Variants in CNTN5 observed in about 807,000 individuals in gnomAD.
The protein encoded by CNTN5 is contactin-5.
CNTN5 carries 77 observed loss-of-function variants against 129.1 expected under a neutral mutation model. The ratio of observed to expected loss-of-function variants is 0.60; its 90% CI spans 0.50 to 0.72. The LOEUF is 0.72. Ranked by LOEUF, CNTN5 falls within the 30% of genes least tolerant of loss-of-function variation. The pLI is 0.00. For synonymous variants in CNTN5, 509 were observed against 465.6 expected, an observed-to-expected ratio of 1.09 and a Z score of -1.20; for missense variants, 1,478 against 1,328.8, an observed-to-expected ratio of 1.11 and a Z score of -1.75.
chr11:99,692,223 G>A (rs1314745026), intron 3 of CNTN5, among the ~76,000 whole-genome samples: 7 of 152,034 alleles, frequency 4.6e-5, no homozygotes, highest in Non-Finnish European at 8.8e-5. Flanking sequence ...TTTAATTGGG[G>A]CATTTAGCCC....
chr11:99,616,105 G>T (rs1295363429), intron 3 of CNTN5, among the ~76,000 whole-genome samples: 6 of 151,940 alleles, frequency 3.9e-5, no homozygotes, highest in Non-Finnish European at 7.4e-5. Context: ...TTTTAGTTCT[G>T]TGCAACTTTA....
intron 24 of CNTN5, among the ~76,000 whole-genome samples, chr11:100,355,146 TA>T (rs1044529444): frequency 1.3e-4 from 20 of 151,774 alleles, no homozygotes; most frequent in African/African-American, 4.1e-4. Context: ...TAATACAGAT[TA>T]AAAAAACATT....
chr11:99,760,171 G>A (rs1223232586), intron 3 of CNTN5, among the ~76,000 whole-genome samples: 1 of 152,138 alleles, frequency 6.6e-6, no homozygotes, highest in African/African-American at 2.4e-5. Flanking sequence ...TAAATAAGCA[G>A]GTGGTGTGAA....
intron 21 of CNTN5, among the ~76,000 whole-genome samples, chr11:100,324,297 TG>T (rs1951750176): frequency 6.6e-6 from 1 of 152,144 alleles, no homozygotes; most frequent in African/African-American, 2.4e-5. Context: ...CATTGATTAG[TG>T]AATGGCTATA....
At chr11:100,193,690 A>G (rs1202734509) in intron 15 of CNTN5, 27 bp downstream of exon 15, 2 of 1,589,336 alleles carry the variant, frequency 1.3e-6, no homozygotes, top group Non-Finnish European at 8.6e-7. Context: ...TTATTCTTTT[A>G]GTAATGATAA....
chr11:100,214,511 A>T (rs1482427911), intron 15 of CNTN5, among the ~76,000 whole-genome samples: 1 of 152,212 alleles, frequency 6.6e-6, no homozygotes, highest in African/African-American at 2.4e-5. Context: ...TCCATGATGA[A>T]TAATGTGTTG....
At chr11:99,446,441 A>C (rs139723209) in intron 2 of CNTN5, among the ~76,000 whole-genome samples, 1 of 152,130 alleles carries the variant, frequency 6.6e-6, no homozygotes, top group African/African-American at 2.4e-5. Context: ...AGTTTTAATA[A>C]ATTTACCACT....
chr11:99,579,707 T>G (rs1011378983), intron 3 of CNTN5, among the ~76,000 whole-genome samples: 10 of 139,278 alleles, frequency 7.2e-5, no homozygotes, highest in African/African-American at 2.8e-4. Context: ...CTGAAGTTGC[T>G]TATGAGCTTA....
intron 13 of CNTN5, among the ~76,000 whole-genome samples, chr11:100,177,737 GTAGAGTT>G (rs1294347118): frequency 6.6e-6 from 1 of 152,086 alleles, no homozygotes; most frequent in Non-Finnish European, 1.5e-5. Context: ...CGACATATAC[GTAGAGTT>G]TAAAGTTCTG....
At chr11:100,285,721 T>A (rs1950766904) in intron 18 of CNTN5, among the ~76,000 whole-genome samples, 1 of 152,240 alleles carries the variant, frequency 6.6e-6, no homozygotes, top group Admixed American at 6.5e-5. Context: ...TATACACATA[T>A]TTCTGGCCAC....
rs1370717360 is a variant in CNTN5 at position 100,357,795 on chromosome 11, T to G, written c.*1575T>G. 6.6e-6 allele frequency: 1 copy of G among 151,830 alleles called. No individual in the cohort carries two copies. Among genetic ancestry groups the G allele is most frequent in the Non-Finnish European group, 1.5e-5 (1 of 67,826 alleles). 9.4% of individuals were successfully genotyped at this position (151,830 alleles called of 1,614,324 possible). On this transcript the variant is annotated 3_prime_UTR_variant, in exon 25 of 25. Coordinates refer to ENST00000524871, the MANE Select transcript of CNTN5 (RefSeq NM_014361.4). The stretch of plus-strand genomic sequence containing the variant: ...GTAGAATCAGAGAAGTGATTGAAGT[T>G]TCTGTTCTGAACATCCTGAAAGAAT...
At chr11:99,351,464 C>G (rs891608846) in intron 2 of CNTN5, among the ~76,000 whole-genome samples, 1 of 152,200 alleles carries the variant, frequency 6.6e-6, no homozygotes, top group Admixed American at 6.5e-5. Context: ...ATACAAATTC[C>G]TCCTTCTATG....
chr11:100,104,243 C>T (rs763697415), intron 13 of CNTN5, among the ~76,000 whole-genome samples: 36 of 151,890 alleles, frequency 2.4e-4, no homozygotes, highest in Non-Finnish European at 4.9e-4. Context: ...TACAGGTACC[C>T]ACCACCACTC....
At chr11:99,845,524 C>T (rs1043152136) in intron 6 of CNTN5, among the ~76,000 whole-genome samples, 2 of 151,500 alleles carry the variant, frequency 1.3e-5, no homozygotes, top group Non-Finnish European at 2.9e-5. Context: ...AGGCGCCCGC[C>T]ACTACGCCCG....
At chr11:100,148,352 C>T (rs1946926678) in intron 13 of CNTN5, among the ~76,000 whole-genome samples, 1 of 152,172 alleles carries the variant, frequency 6.6e-6, no homozygotes, top group African/African-American at 2.4e-5. Context: ...GGGCTAAGTG[C>T]CATGGCTGTG....
chr11:99,477,142 G>A (rs2044883042), intron 2 of CNTN5, among the ~76,000 whole-genome samples: 1 of 151,592 alleles, frequency 6.6e-6, no homozygotes, highest in South Asian at 2.1e-4. Context: ...ATCCTTAAAT[G>A]AATATATAAT....
intron 1 of CNTN5, among the ~76,000 whole-genome samples, chr11:99,047,238 A>G (rs1190622212): frequency 1.3e-5 from 2 of 151,984 alleles, no homozygotes; most frequent in Non-Finnish European, 2.9e-5. Context: ...CAATATTTAC[A>G]TATTAAGAAC....
intron 3 of CNTN5, among the ~76,000 whole-genome samples, chr11:99,711,165 A>T (rs78861644): frequency 6.6e-5 from 10 of 151,916 alleles, no homozygotes; most frequent in Non-Finnish European, 1.0e-4. Flanking sequence ...ATTTTAAAAA[A>T]GTCACCCTTT....
At chr11:99,784,543 T>C (rs1450004238) in intron 3 of CNTN5, among the ~76,000 whole-genome samples, 2 of 152,098 alleles carry the variant, frequency 1.3e-5, no homozygotes, top group Non-Finnish European at 1.5e-5. Flanking sequence ...TATGTGTGCA[T>C]GTGTCTTTAT....
Sources: gnomAD v4.1 joint callset for allele counts (sites outside exome capture counted in the v4.1 genomes callset) on GRCh38, gnomAD v4.1.1 for gene constraint, MANE v1.5 for transcripts, NCBI Gene and HGNC (gene_info 2026-07-23, HGNC 2026-07-21) for gene names.